DLGAP2: variants seen among roughly 807,000 people sequenced by gnomAD.
The protein encoded by DLGAP2 is disks large-associated protein 2.
DLGAP2 carries 26 observed loss-of-function variants against 100.3 expected under a neutral mutation model. The observed-to-expected ratio is 0.26, with a 90% CI of 0.19 to 0.36. The LOEUF is 0.36. Ranked by LOEUF, DLGAP2 falls within the 10% of genes least tolerant of loss-of-function variation. The probability of loss-of-function intolerance (pLI) is 1.00; values close to 1 mark genes in which losing one functional copy is unlikely to be tolerated. For missense variants in DLGAP2, 1,858 were observed against 1,453.2 expected, an observed-to-expected ratio of 1.28 and a Z score of -4.53; for synonymous variants, 886 against 630.1, an observed-to-expected ratio of 1.41 and a Z score of -6.08.
chr8:890,113 T>C (rs1798004435), intron 1 of DLGAP2, among the ~76,000 whole-genome samples: 1 of 152,118 alleles, frequency 6.6e-6, no homozygotes, highest in South Asian at 2.1e-4. Flanking sequence ...CCTGGATACC[T>C]TGGCTGCCGG....
intron 1 of DLGAP2, among the ~76,000 whole-genome samples, chr8:904,002 C>T (rs1003829224): frequency 3.3e-5 from 5 of 152,208 alleles, no homozygotes; most frequent in Non-Finnish European, 7.3e-5. Context: ...CCTCTGGACG[C>T]AGGGGACACA....
At chr8:1,607,590 G>T (rs920097300) in intron 6 of DLGAP2, among the ~76,000 whole-genome samples, 2 of 152,212 alleles carry the variant, frequency 1.3e-5, no homozygotes, top group African/African-American at 2.4e-5. Context: ...CGTGAGCGAC[G>T]CAGAAGACGG....
In DLGAP2 at chr8:1,668,913, G is replaced by C. The variant is rs1798617726; in HGVS notation, c.2160+235G>C. 2.0e-5 allele frequency among the ~76,000 whole-genome samples: 3 copies of C among 151,690 alleles called. No homozygotes were observed. In the South Asian group the frequency reaches 6.2e-4, roughly 31 times the overall value. On this transcript the variant is annotated intron_variant, in intron 9 of 14. Coordinates refer to ENST00000637795, the MANE Select transcript of DLGAP2 (RefSeq NM_001346810.2). ...CCAGTGCAGGGCTGAAGGAAACCCA[G>C]GGGTTCCAGCTCCCTGTCCCCTGCC...
chr8:1,149,336 G>T (rs1326021525), intron 2 of DLGAP2, among the ~76,000 whole-genome samples: 1 of 151,874 alleles, frequency 6.6e-6, no homozygotes, highest in Non-Finnish European at 1.5e-5. Flanking sequence ...TTTAGTAGAG[G>T]CGGAGTTTCA....
intron 2 of DLGAP2, among the ~76,000 whole-genome samples, chr8:1,249,666 C>G (rs1798993234): frequency 1.3e-5 from 2 of 152,154 alleles, no homozygotes; most frequent in African/African-American, 4.8e-5. Context: ...TCACACACAG[C>G]TGTCATGGAG....
chr8:1,376,851 A>T (rs191593375), intron 3 of DLGAP2, among the ~76,000 whole-genome samples: 8 of 152,256 alleles, frequency 5.3e-5, no homozygotes, highest in African/African-American at 1.9e-4. Context: ...TTTGGCCGTG[A>T]AAGCGAAATG....
Position 1,305,619 on chromosome 8 carries a change from G to T in DLGAP2, c.106+46736G>T, listed in dbSNP as rs566684132. ...TTGCTTGAAACACTGCAGTCCTCCG[G>T]CAACCTGCCAGGATAAAAATTACAC... On this transcript the variant is annotated intron_variant, in intron 3 of 14. Transcript: ENST00000637795. Among the ~76,000 whole-genome samples, 17 of 152,206 alleles carry T rather than the reference G, an allele frequency of 1.1e-4. No individual in the cohort carries two copies. In the South Asian group the frequency reaches 2.7e-3, roughly 24 times the overall value.
chr8:1,289,815 A>G (rs1422307261), intron 3 of DLGAP2, among the ~76,000 whole-genome samples: 3 of 152,234 alleles, frequency 2.0e-5, no homozygotes, highest in African/African-American at 7.2e-5. Flanking sequence ...GAACCTGCTC[A>G]TGATGTCTGA....
intron 1 of DLGAP2, among the ~76,000 whole-genome samples, chr8:903,836 C>T (rs551472798): frequency 3.3e-5 from 5 of 152,338 alleles, no homozygotes; most frequent in Admixed American, 1.3e-4. Flanking sequence ...ACCTGACTTA[C>T]GGTGCTCGTT....
intron 3 of DLGAP2, among the ~76,000 whole-genome samples, chr8:1,391,606 A>C (rs1796357701): frequency 6.6e-6 from 1 of 152,218 alleles, no homozygotes; most frequent in Non-Finnish European, 1.5e-5. Context: ...CCCCATGCAG[A>C]GTCCAGGAAG....
intron 3 of DLGAP2, among the ~76,000 whole-genome samples, chr8:1,458,026 G>C (rs1798370002): frequency 7.7e-6 from 1 of 130,334 alleles, no homozygotes; most frequent in Non-Finnish European, 1.7e-5. Flanking sequence ...TTTTTTATAT[G>C]TGTGTATATA....
intron 1 of DLGAP2, among the ~76,000 whole-genome samples, chr8:841,988 A>G (rs1008933669): frequency 6.6e-6 from 1 of 152,186 alleles, no homozygotes; most frequent in African/African-American, 2.4e-5. Flanking sequence ...CGATTTGGAC[A>G]CTGCCACCAG....
At chr8:1,037,242 C>A (rs1034508117) in intron 2 of DLGAP2, among the ~76,000 whole-genome samples, 10 of 152,156 alleles carry the variant, frequency 6.6e-5, no homozygotes, top group African/African-American at 2.4e-4. Flanking sequence ...GAGCTTTCCA[C>A]CTTCCCTCGG....
chr8:756,872 A>G (rs1259651803), intron 1 of DLGAP2, among the ~76,000 whole-genome samples: 1 of 152,094 alleles, frequency 6.6e-6, no homozygotes, highest in East Asian at 1.9e-4. Flanking sequence ...AGCCATTTTT[A>G]TCATGTCACT....
rs1043347844 is a variant in DLGAP2, at chr8:1,364,834, G to A, written c.106+105951G>A. 2.0e-5 allele frequency among the ~76,000 whole-genome samples: 3 copies of A among 152,222 alleles called. No homozygotes were observed. The South Asian group carries it at 6.2e-4, about 32-fold the overall frequency. On this transcript the variant is annotated intron_variant, in intron 3 of 14. Transcript: ENST00000637795. ...TACGTCGGAGTTGGGGAGGCTCCCA[G>A]GGCTTTGCGTTTGCTGATCAGCCTT... is the stretch of plus-strand genomic sequence containing the variant.
At chr8:745,118 C>T (rs1193411358) in intron 1 of DLGAP2, among the ~76,000 whole-genome samples, 1 of 152,218 alleles carries the variant, frequency 6.6e-6, no homozygotes, top group Non-Finnish European at 1.5e-5. Flanking sequence ...GTTGTGGGTG[C>T]TGGAGACAAG....
intron 10 of DLGAP2, among the ~76,000 whole-genome samples, chr8:1,672,356 C>T (rs920705242): frequency 2.6e-5 from 4 of 152,024 alleles, no homozygotes; most frequent in Non-Finnish European, 2.9e-5. Context: ...CTCAGCCTCC[C>T]GAGCAGCTGG....
chr8:1,616,304 G>T (rs529618633), intron 6 of DLGAP2, among the ~76,000 whole-genome samples: 35 of 152,120 alleles, frequency 2.3e-4, no homozygotes, highest in Admixed American at 4.6e-4. Context: ...GAACCAGGGA[G>T]AAAACTGAGA....
At chr8:868,121 C>A (rs1317248039) in intron 1 of DLGAP2, among the ~76,000 whole-genome samples, 1 of 151,996 alleles carries the variant, frequency 6.6e-6, no homozygotes. Context: ...TGCATTTTTT[C>A]TTTATTATTT....
Sources: gnomAD v4.1 joint callset for allele counts (sites outside exome capture counted in the v4.1 genomes callset) on GRCh38, gnomAD v4.1.1 for gene constraint, MANE v1.5 for transcripts, NCBI Gene and HGNC (gene_info 2026-07-23, HGNC 2026-07-21) for gene names.